CAMK1D: variants seen among roughly 807,000 people sequenced by gnomAD.
CAMK1D encodes the protein calcium/calmodulin-dependent protein kinase type 1D.
Under a neutral mutation model 47.7 loss-of-function variants are expected in CAMK1D, and 9 were observed. The ratio of observed to expected loss-of-function variants is 0.19; its 90% confidence interval spans 0.11 to 0.33. The LOEUF (loss-of-function observed/expected upper bound fraction) is 0.33, where lower values mean the gene tolerates loss of function less well. CAMK1D is among the 10% of genes least tolerant of loss of function. The pLI, the probability that CAMK1D is intolerant of heterozygous loss-of-function variation, is 1.00. For missense variants in CAMK1D, 291 were observed against 488.7 expected, an observed-to-expected ratio of 0.60 and a Z score of 3.81; for synonymous variants, 184 against 184.9, an observed-to-expected ratio of 0.99 and a Z score of 0.04.
intron 1 of CAMK1D, among the ~76,000 whole-genome samples, chr10:12,437,406 G>A (rs1286205205): frequency 6.6e-6 from 1 of 152,134 alleles, no homozygotes. Context: ...TGTTGACCAG[G>A]CTGGTCTCAA....
At chr10:12,357,748 C>T (rs1050537427) in intron 1 of CAMK1D, among the ~76,000 whole-genome samples, 6 of 152,280 alleles carry the variant, frequency 3.9e-5, no homozygotes, top group Admixed American at 6.5e-5. Flanking sequence ...CAGGAGGACA[C>T]GTGGACTCCG....
intron 1 of CAMK1D, among the ~76,000 whole-genome samples, chr10:12,547,700 A>ACACACACACACC (rs1564404479): frequency 8.1e-6 from 1 of 122,920 alleles, no homozygotes; most frequent in Non-Finnish European, 1.6e-5. Context: ...ACACACACAC[A>ACACACACACACC]CCACTGTGTT....
chr10:12,826,941 C>T (rs1268567013), intron 10 of CAMK1D, among the ~76,000 whole-genome samples: 1 of 152,208 alleles, frequency 6.6e-6, no homozygotes, highest in East Asian at 1.9e-4. Context: ...ACACAGACTC[C>T]CTGGGGGCCT....
At chr10:12,657,673 T>C (rs939989389) in intron 2 of CAMK1D, among the ~76,000 whole-genome samples, 1 of 152,332 alleles carries the variant, frequency 6.6e-6, no homozygotes, top group East Asian at 1.9e-4. Flanking sequence ...AGAGCCCCAG[T>C]TGAGGAAAAA....
At position 12,642,378 on chromosome 10, in the gene CAMK1D, A is replaced by G. The variant is rs182352035; in HGVS notation, c.225-24358A>G. ...TGACTGTCCTTGTAGATGAGAGAGA[A>G]AAATAGGGACTAAATAGTGCTGCAG... On this transcript the variant is annotated intron_variant, in intron 2 of 10. Coordinates refer to ENST00000619168, the MANE Select transcript of CAMK1D (RefSeq NM_153498.4). Among the ~76,000 whole-genome samples the G allele has an allele frequency of 6.6e-5, 10 of 152,352 alleles. No individual in the cohort carries two copies. In the East Asian group the frequency reaches 1.9e-3, roughly 29 times the overall value.
chr10:12,763,042 T>C (rs1836578651), intron 4 of CAMK1D, among the ~76,000 whole-genome samples: 1 of 152,260 alleles, frequency 6.6e-6, no homozygotes, highest in Non-Finnish European at 1.5e-5. Flanking sequence ...TTGGAAAGGC[T>C]GATTGGCTGT....
chr10:12,629,734 T>C (rs767919362), intron 2 of CAMK1D, among the ~76,000 whole-genome samples: 1 of 152,236 alleles, frequency 6.6e-6, no homozygotes, highest in Non-Finnish European at 1.5e-5. Flanking sequence ...CATTATAACA[T>C]TCATTTCTCT....
At chr10:12,827,468 GTCTGTCTT>G (rs1554831827) in intron 10 of CAMK1D, among the ~76,000 whole-genome samples, 82 of 3,798 alleles carry the variant, frequency 0.022, 35 homozygotes, top group South Asian at 0.095. Flanking sequence ...TTCTTTGTCT[GTCTGTCTT>G]TCTTTCTTTC....
intron 1 of CAMK1D, among the ~76,000 whole-genome samples, chr10:12,363,290 T>C (rs368801780): frequency 2.0e-5 from 3 of 152,168 alleles, no homozygotes; most frequent in Non-Finnish European, 1.5e-5. Flanking sequence ...ATTCTTGCTC[T>C]GTTGCCCTGG....
At chr10:12,428,440 C>A (rs973289013) in intron 1 of CAMK1D, among the ~76,000 whole-genome samples, 12 of 152,208 alleles carry the variant, frequency 7.9e-5, no homozygotes, top group Admixed American at 3.3e-4. Context: ...GACATTCTAT[C>A]TCATGGTATT....
intron 1 of CAMK1D, among the ~76,000 whole-genome samples, chr10:12,419,277 G>A (rs1398339546): frequency 2.0e-5 from 3 of 152,086 alleles, no homozygotes; most frequent in Admixed American, 6.5e-5. Context: ...AAAGGCAAGA[G>A]TGAGAAAACC....
chr10:12,539,680 A>G (rs1385838554), intron 1 of CAMK1D, among the ~76,000 whole-genome samples: 1 of 152,210 alleles, frequency 6.6e-6, no homozygotes, highest in African/African-American at 2.4e-5. Flanking sequence ...TCTGTCTCCA[A>G]CAGGAGATCT....
chr10:12,611,059 A>G (rs1334379096), intron 2 of CAMK1D, among the ~76,000 whole-genome samples: 1 of 152,192 alleles, frequency 6.6e-6, no homozygotes, highest in Non-Finnish European at 1.5e-5. Flanking sequence ...TGATGAAGAA[A>G]CTGAGGCACA....
chr10:12,679,654 C>T (rs769201157), intron 3 of CAMK1D, among the ~76,000 whole-genome samples: 3 of 152,222 alleles, frequency 2.0e-5, no homozygotes, highest in Non-Finnish European at 4.4e-5. Context: ...GTATCCATTC[C>T]TGCTTTGGGT....
chr10:12,601,200 T>C (rs201059338), intron 2 of CAMK1D, among the ~76,000 whole-genome samples: 1 of 148,994 alleles, frequency 6.7e-6, no homozygotes, highest in Non-Finnish European at 1.5e-5. Context: ...TTTGTTTTTT[T>C]TTTTTTTTTG....
intron 3 of CAMK1D, among the ~76,000 whole-genome samples, chr10:12,754,955 T>A (rs1383753632): frequency 6.6e-6 from 1 of 152,068 alleles, no homozygotes; most frequent in Non-Finnish European, 1.5e-5. Flanking sequence ...CTCAGTTCAG[T>A]CCATAACACC....
chr10:12,587,880 G>A (rs1481241851), intron 2 of CAMK1D, among the ~76,000 whole-genome samples: 3 of 151,756 alleles, frequency 2.0e-5, no homozygotes, highest in African/African-American at 2.4e-5. Context: ...TTAGGGAATG[G>A]CTGTGCTATA....
chr10:12,605,967 G>T (rs76277744), intron 2 of CAMK1D, among the ~76,000 whole-genome samples: 1 of 152,204 alleles, frequency 6.6e-6, no homozygotes, highest in African/African-American at 2.4e-5. Flanking sequence ...TGGGAGCCAC[G>T]GGGCAGAATT....
intron 2 of CAMK1D, among the ~76,000 whole-genome samples, chr10:12,615,687 GT>G (rs1032592967): frequency 2.1e-4 from 31 of 146,656 alleles, no homozygotes; most frequent in African/African-American, 8.1e-4. Context: ...GTATAGGTGT[GT>G]GTGGTTTGTA....
Sources: gnomAD v4.1 joint callset for allele counts (sites outside exome capture counted in the v4.1 genomes callset) on GRCh38, gnomAD v4.1.1 for gene constraint, MANE v1.5 for transcripts, NCBI Gene and HGNC (gene_info 2026-07-23, HGNC 2026-07-21) for gene names.